The following TAMM41 variants were observed in gnomAD, a reference collection of about 807,000 sequenced individuals.
TAMM41 encodes phosphatidate cytidylyltransferase, mitochondrial.
A neutral mutation model predicts 44.1 loss-of-function variants in TAMM41; 36 were observed. The ratio of observed to expected loss-of-function variants is 0.82; its 90% CI spans 0.63 to 1.08. TAMM41 has a LOEUF of 1.08. Among genes scored for constraint, TAMM41 ranks in the 50% least tolerant of loss-of-function variants. The probability of loss-of-function intolerance (pLI) is 0.00; values close to 1 mark genes in which losing one functional copy is unlikely to be tolerated. For missense variants in TAMM41, 417 were observed against 404.3 expected, an observed-to-expected ratio of 1.03 and a Z score of -0.27; for synonymous variants, 164 against 153.1, an observed-to-expected ratio of 1.07 and a Z score of -0.53.
the TAMM41 span, among the ~76,000 whole-genome samples, chr3:11,778,858 A>G: frequency 2.6e-5 from 4 of 152,094 alleles, no homozygotes; most frequent in Non-Finnish European, 5.9e-5. Context: ...TATCCTAGTT[A>G]TAAGTGCCTT....
chr3:11,760,270 G>A, the TAMM41 span, among the ~76,000 whole-genome samples: 2 of 152,094 alleles, frequency 1.3e-5, no homozygotes, highest in African/African-American at 2.4e-5. Context: ...TAATATTCAG[G>A]ACTTGCCAAG....
chr3:11,823,335 A>T (rs1046166083), intron 4 of TAMM41, among the ~76,000 whole-genome samples: 9 of 147,686 alleles, frequency 6.1e-5, no homozygotes, highest in Non-Finnish European at 1.0e-4. Context: ...GGCTCACTGC[A>T]ACCTCCGCCT....
intron 4 of TAMM41, among the ~76,000 whole-genome samples, chr3:11,825,620 T>A (rs1436033103): frequency 6.6e-6 from 1 of 152,330 alleles, no homozygotes; most frequent in Non-Finnish European, 1.5e-5. Flanking sequence ...CTTCGTCTTA[T>A]TCCTAGAAGT....
the TAMM41 span, among the ~76,000 whole-genome samples, chr3:11,739,439 T>C: frequency 6.6e-6 from 1 of 152,154 alleles, no homozygotes; most frequent in East Asian, 1.9e-4. Flanking sequence ...GGGCTGGCTC[T>C]TCCCTCCTGC....
intron 4 of TAMM41, among the ~76,000 whole-genome samples, chr3:11,821,999 T>C (rs1034277882): frequency 1.1e-4 from 17 of 152,314 alleles, no homozygotes; most frequent in African/African-American, 3.6e-4. Context: ...AGGCGATGTG[T>C]ATGAGGTGTA....
At chr3:11,809,403 G>A in intron 6 of TAMM41, 114 bp downstream of exon 6, 1 of 1,236,372 alleles carries the variant, frequency 8.1e-7, no homozygotes. Context: ...TCTTCTGAGA[G>A]GCAATCTCTC....
chr3:11,846,710 G>A lies in TAMM41; in HGVS notation c.-74C>T. 5 of 1,596,418 alleles carry A rather than the reference G, an allele frequency of 3.1e-6. No homozygotes were observed. Among genetic ancestry groups the A allele is most frequent in the Non-Finnish European group, 4.3e-6 (5 of 1,168,736 alleles). ...CGGGCGGGGAACAGACACCGGGTAG[G>A]CGGTTTAGGGTGGGAAATGGAAGTC... is the stretch of plus-strand genomic sequence containing the variant. On this transcript the variant is annotated 5_prime_UTR_variant, in exon 1 of 8. Transcript: ENST00000455809.
Position 11,838,058 on chromosome 3 carries a change from G to C in TAMM41, c.411+1164C>G, listed in dbSNP as rs180908405. Among the ~76,000 whole-genome samples the C allele has an allele frequency of 1.2e-4, 18 of 152,262 alleles. No homozygotes were observed. The East Asian group carries it at 2.9e-3, about 24-fold the overall frequency. On this transcript the variant is annotated intron_variant, in intron 3 of 7. Coordinates refer to ENST00000455809, the MANE Select transcript of TAMM41 (RefSeq NM_001284401.2). ...GTCAGAGTCAGATCCCACAGGTTAT[G>C]GGCTCAGTTCCACAAGCCTCCCCCA... is the stretch of plus-strand genomic sequence containing the variant.
the TAMM41 span, among the ~76,000 whole-genome samples, chr3:11,753,757 C>T: frequency 6.6e-6 from 1 of 151,680 alleles, no homozygotes; most frequent in African/African-American, 2.4e-5. Context: ...ATAAAATAAA[C>T]TGGCTGTCTT....
chr3:11,812,719 T>A (rs1575640526), intron 5 of TAMM41, among the ~76,000 whole-genome samples: 2 of 152,252 alleles, frequency 1.3e-5, no homozygotes, highest in East Asian at 3.9e-4. Flanking sequence ...GCAGAAGCAA[T>A]CGGCCCTGGT....
the TAMM41 span, among the ~76,000 whole-genome samples, chr3:11,749,258 G>T: frequency 6.6e-6 from 1 of 152,162 alleles, no homozygotes; most frequent in Admixed American, 6.5e-5. Context: ...GAGCAAAGAG[G>T]CTCGGATTTG....
At chr3:11,775,779 C>T in the TAMM41 span, among the ~76,000 whole-genome samples, 1 of 152,166 alleles carries the variant, frequency 6.6e-6, no homozygotes, top group Non-Finnish European at 1.5e-5. Context: ...CCATGCACTG[C>T]ATGCCTGCCG....
chr3:11,753,948 C>T, the TAMM41 span, among the ~76,000 whole-genome samples: 6,078 of 152,116 alleles, frequency 0.04, 228 homozygotes, highest in African/African-American at 0.082. Context: ...AGCAAGGAGA[C>T]CAGATTCATT....
the TAMM41 span, among the ~76,000 whole-genome samples, chr3:11,730,803 A>C: frequency 1.3e-5 from 2 of 152,322 alleles, no homozygotes; most frequent in Admixed American, 1.3e-4. Flanking sequence ...AACCGCTTCC[A>C]TTCTGAAGGG....
chr3:11,823,488 C>T (rs1363282268), intron 4 of TAMM41, among the ~76,000 whole-genome samples: 3 of 151,844 alleles, frequency 2.0e-5, no homozygotes, highest in Non-Finnish European at 2.9e-5. Context: ...AACCCCTGAC[C>T]TCAAGTGATC....
intron 3 of TAMM41, 118 bp downstream of exon 3, chr3:11,839,104 G>T (rs769700457): frequency 2.9e-4 from 171 of 595,686 alleles, no homozygotes; most frequent in Admixed American, 4.6e-4. Context: ...GGAATAGGAA[G>T]AGTCAGAAAC....
At chr3:11,737,827 G>T in the TAMM41 span, among the ~76,000 whole-genome samples, 1 of 152,314 alleles carries the variant, frequency 6.6e-6, no homozygotes, top group East Asian at 1.9e-4. Flanking sequence ...AAACTAAATA[G>T]CTGTTCCAAA....
chr3:11,733,254 C>T, the TAMM41 span, among the ~76,000 whole-genome samples: 1 of 152,016 alleles, frequency 6.6e-6, no homozygotes, highest in Non-Finnish European at 1.5e-5. Context: ...CCACCTTGGC[C>T]TCCCAAAGTG....
At chr3:11,808,003 A>T in intron 6 of TAMM41, 108 bp from the exon 7 acceptor site, 2 of 1,441,706 alleles carry the variant, frequency 1.4e-6, no homozygotes, top group Non-Finnish European at 1.8e-6. Flanking sequence ...CAGCCAATCA[A>T]ACCACCAAAT....
Sources: allele counts gnomAD v4.1 joint callset (sites outside exome capture counted in the v4.1 genomes callset), GRCh38; gene constraint gnomAD v4.1.1; transcripts MANE v1.5; gene names NCBI Gene and HGNC (gene_info 2026-07-23, HGNC 2026-07-21).